PKNOX1: variants seen among roughly 807,000 people sequenced by gnomAD.
The protein encoded by PKNOX1 is homeobox protein PKNOX1.
Under a neutral mutation model 51.9 loss-of-function variants are expected in PKNOX1, and 15 were observed. The observed-to-expected ratio is 0.29, with a 90% CI of 0.19 to 0.45. The LOEUF is 0.45. Ranked by LOEUF, PKNOX1 falls within the 20% of genes least tolerant of loss-of-function variation. The probability of loss-of-function intolerance (pLI) is 1.00; values close to 1 mark genes in which losing one functional copy is unlikely to be tolerated. For synonymous variants in PKNOX1, 219 were observed against 211.1 expected (o/e 1.04, Z -0.32); for missense variants, 462 against 547.5 (o/e 0.84, Z 1.56).
intron 9 of PKNOX1, among the ~76,000 whole-genome samples, chr21:43,025,265 A>G (rs1298185136): frequency 6.6e-6 from 1 of 152,186 alleles, no homozygotes; most frequent in Non-Finnish European, 1.5e-5. Flanking sequence ...TTTTCATATC[A>G]ATACCTCATT....
chr21:43,007,565 T>A lies in PKNOX1; in HGVS notation c.126T>A (p.Pro42=). Residue 42 remains proline (P), a synonymous_variant, in exon 3 of 11, where the codon CCT becomes CCA. Transcript: ENST00000291547. ...CSEPDAEGVS[P]PPVESQTPMD... ...AACCCGATGCAGAAGGAGTGAGCCC[T>A]CCCCCTGTGGAGTCTCAGACCCCGA... is the stretch of plus-strand genomic sequence containing the variant. The A allele has an allele frequency of 6.2e-7, 1 of 1,613,558 alleles. No individual in the cohort carries two copies. Among genetic ancestry groups the A allele is most frequent in the East Asian group, 2.2e-5 (1 of 44,874 alleles).
intron 1 of PKNOX1, among the ~76,000 whole-genome samples, chr21:42,975,068 C>T (rs2058985803): frequency 1.4e-5 from 2 of 141,126 alleles, no homozygotes; most frequent in Non-Finnish European, 3.2e-5. Flanking sequence ...CGCGCGGAGC[C>T]CGGCGCGGGC....
chr21:43,029,424 G>GT lies in PKNOX1; in HGVS notation c.1100-445dup, dbSNP rs138486584. Among the ~76,000 whole-genome samples, 315 of 63,268 alleles carry GT rather than the reference G, an allele frequency of 5.0e-3. 17 individuals are homozygous for GT. The highest frequency in any genetic ancestry group is 0.019 in the African/African-American group (292 of 15,286). The allele number at this position is 63,268 out of a possible 152,430, so 41.5% of individuals were successfully genotyped here. A position where few individuals can be genotyped will look rare whatever the true frequency, so the allele number is the denominator to read the frequency against. ...TTATTTTTTTTTATTTGTTTGCTTT[G>GT]TTTTTTTTTTTTTTTTTTTTTGAGA... On this transcript the variant is annotated intron_variant, in intron 10 of 10. Coordinates refer to ENST00000291547, the MANE Select transcript of PKNOX1 (RefSeq NM_004571.5).
chr21:43,001,960 C>CAAAT (rs34834721), intron 1 of PKNOX1, among the ~76,000 whole-genome samples: 117,706 of 146,192 alleles, frequency 0.81, 47,475 homozygotes, highest in African/African-American at 0.84. Flanking sequence ...GACTCCGTCT[C>CAAAT]AAATAAATAA....
chr21:43,003,401 A>G (rs924706579), intron 1 of PKNOX1, among the ~76,000 whole-genome samples: 2 of 152,084 alleles, frequency 1.3e-5, no homozygotes, highest in African/African-American at 4.8e-5. Flanking sequence ...AGTGCGCCAC[A>G]CTTGCCTGTC....
intron 1 of PKNOX1, among the ~76,000 whole-genome samples, chr21:42,992,421 T>TCACA (rs2059092247): frequency 2.6e-5 from 4 of 152,250 alleles, no homozygotes; most frequent in African/African-American, 9.6e-5. Flanking sequence ...AGTAGTCTGG[T>TCACA]CACAGCTAGT....
chr21:43,022,681 C>G (rs1248305369), intron 8 of PKNOX1, among the ~76,000 whole-genome samples: 2 of 152,138 alleles, frequency 1.3e-5, no homozygotes, highest in South Asian at 4.1e-4. Flanking sequence ...TCAAAGAGAT[C>G]AGTCACAAGA....
At position 43,029,940 on chromosome 21, in the gene PKNOX1, C is replaced by T; in HGVS notation, c.1150C>T (p.Gln384Ter). Residue 384 changes from glutamine to a stop codon, truncating the protein, a stop_gained, in exon 11 of 11, where the codon CAG (glutamine) becomes TAG (stop). Coordinates refer to ENST00000291547, the MANE Select transcript of PKNOX1 (RefSeq NM_004571.5). LOFTEE classifies it high-confidence loss of function. ...CGTGAACATGAACGTGGACAGCCTT[C>T]AGTCTCTGTCCTCGGACGGGGCCAC... ...TPVNMNVDSLQSLSSDGATLA... is the reference protein window; with the variant it reads ...TPVNMNVDSL The T allele has an allele frequency of 6.2e-7, 1 of 1,614,200 alleles. No individual in the cohort carries two copies.
chr21:42,977,537 C>CTTT (rs3044504), intron 1 of PKNOX1, among the ~76,000 whole-genome samples: 8 of 47,158 alleles, frequency 1.7e-4, no homozygotes, highest in African/African-American at 6.6e-4. Context: ...CTGCTTCCAA[C>CTTT]TTTTTTTTTT....
At chr21:43,019,495 C>T (rs987438831) in intron 7 of PKNOX1, among the ~76,000 whole-genome samples, 1 of 151,616 alleles carries the variant, frequency 6.6e-6, no homozygotes, top group South Asian at 2.1e-4. Flanking sequence ...AGTCTGTTTA[C>T]TTGTAGAATT....
intron 5 of PKNOX1, among the ~76,000 whole-genome samples, chr21:43,014,600 C>T (rs1018762647): frequency 3.3e-5 from 5 of 152,146 alleles, no homozygotes; most frequent in African/African-American, 1.2e-4. Flanking sequence ...CCAAAGACTT[C>T]GTCTTAAGTT....
rs765098005 is a variant in PKNOX1, at chr21:43,030,080, G to A, written c.1290G>A (p.Glu430=). The A allele has an allele frequency of 1.1e-5, 18 of 1,604,132 alleles. 1 individual carries two copies. In the South Asian group the frequency reaches 2.0e-4, roughly 18 times the overall value. Residue 430 remains glutamate (E), a synonymous_variant, in exon 11 of 11, where the codon GAG becomes GAA. Coordinates refer to ENST00000291547, the MANE Select transcript of PKNOX1 (RefSeq NM_004571.5). ...APAHISGLVL[E]NSDSLQ ...CCCACATCAGCGGGCTGGTCTTGGA[G>A]AACAGTGACTCCCTGCAGTAGGGGC...
chr21:42,999,494 C>G (rs1006528905), intron 1 of PKNOX1, among the ~76,000 whole-genome samples: 2 of 149,422 alleles, frequency 1.3e-5, no homozygotes, highest in Non-Finnish European at 3.0e-5. Flanking sequence ...CTTTTTTTTT[C>G]TTTTGAAATG....
rs1979765343 is a variant in PKNOX1 at position 43,021,744 on chromosome 21, C to T, written c.849+313C>T. On this transcript the variant is annotated intron_variant, in intron 8 of 10. Transcript: ENST00000291547. This position sits in a 1 kb window ranked among gnomAD's most constrained non-coding sequence, Gnocchi z 4.6. Reference sequence around the variant, plus strand: ...GCAGAGAAGGGATGTTCTTGGGCAGCAGCTGGGGAAGTTGCTGTGTTTCTG... The same window carrying T: ...GCAGAGAAGGGATGTTCTTGGGCAGTAGCTGGGGAAGTTGCTGTGTTTCTG... 6.6e-6 allele frequency among the ~76,000 whole-genome samples: 1 copy of T among 152,198 alleles called. No individual in the cohort carries two copies. Among genetic ancestry groups the T allele is most frequent in the African/African-American group, 2.4e-5 (1 of 41,458 alleles).
chr21:42,990,853 T>C (rs1200493248), intron 1 of PKNOX1, among the ~76,000 whole-genome samples: 1 of 152,152 alleles, frequency 6.6e-6, no homozygotes, highest in Non-Finnish European at 1.5e-5. Context: ...GCAAGGTCTG[T>C]TCAGATTTCT....
At chr21:42,996,314 A>G (rs34547244) in intron 1 of PKNOX1, among the ~76,000 whole-genome samples, 5,348 of 152,284 alleles carry the variant, frequency 0.035, 135 homozygotes, top group Middle Eastern at 0.061. Context: ...AGTGGGGGCC[A>G]TGGACGGAAA....
At chr21:43,018,300 C>A in intron 7 of PKNOX1, 70 bp downstream of exon 7, 1 of 928,874 alleles carries the variant, frequency 1.1e-6, no homozygotes, top group Non-Finnish European at 1.8e-6. Flanking sequence ...GTAGAACAAG[C>A]ATGAGCCCTT....
At chr21:42,977,648 A>AGC (rs2059004513) in intron 1 of PKNOX1, among the ~76,000 whole-genome samples, 1 of 148,244 alleles carries the variant, frequency 6.7e-6, no homozygotes, top group Non-Finnish European at 1.5e-5. Flanking sequence ...CCCGGGTTCA[A>AGC]GCGATTCTCC....
rs1979730715 is a variant in PKNOX1, at chr21:43,021,071, T to C, written c.721-232T>C. 3.3e-6 allele frequency: 1 copy of C among 307,664 alleles called. No homozygotes were observed. Among genetic ancestry groups the C allele is most frequent in the Non-Finnish European group, 6.2e-6 (1 of 160,738 alleles). The allele number at this position is 307,664 out of a possible 1,614,324, so 19.1% of individuals were successfully genotyped here. On this transcript the variant is annotated intron_variant, in intron 7 of 10. Coordinates refer to ENST00000291547, the MANE Select transcript of PKNOX1 (RefSeq NM_004571.5). This position sits in a 1 kb window ranked among gnomAD's most constrained non-coding sequence, Gnocchi z 4.6. ...CTGCAGTGAGCCGTGACTGCACCAC[T>C]GCACTCCAGCCTGAGTGACAGAGCA...
Sources: gnomAD v4.1 joint callset for allele counts (sites outside exome capture counted in the v4.1 genomes callset) on GRCh38, gnomAD v4.1.1 for gene constraint, Gnocchi (gnomAD v3.1) non-coding constraint, MANE v1.5 for transcripts, NCBI Gene and HGNC (gene_info 2026-07-23, HGNC 2026-07-21) for gene names.